The following RIPK3 variants were observed in gnomAD, a reference collection of about 807,000 sequenced individuals.
RIPK3 encodes the protein receptor-interacting serine/threonine-protein kinase 3.
Under a neutral mutation model 51.6 loss-of-function variants are expected in RIPK3, and 51 were observed. The observed-to-expected ratio is 0.99, with a 90% CI of 0.79 to 1.25. The LOEUF (loss-of-function observed/expected upper bound fraction) is 1.25, where lower values mean the gene tolerates loss of function less well. Among genes scored for constraint, RIPK3 ranks in the 50% most tolerant of loss-of-function variants. The pLI is 0.00. For missense variants in RIPK3, 654 were observed against 650.4 expected, an observed-to-expected ratio of 1.01 and a Z score of -0.06; for synonymous variants, 246 against 257.7, an observed-to-expected ratio of 0.95 and a Z score of 0.44.
At position 24,337,243 on chromosome 14, in the gene RIPK3, C is replaced by T; in HGVS notation, c.1118G>A (p.Arg373Lys). 1 of 1,614,088 alleles carries T rather than the reference C, an allele frequency of 6.2e-7. No individual in the cohort carries two copies. The highest frequency in any genetic ancestry group is 8.5e-7 in the Non-Finnish European group (1 of 1,180,030). Residue 373 changes from arginine (R) to lysine (K), a missense_variant, in exon 8 of 10, where the codon AGG becomes AAG. By Grantham distance (26) the Arg-to-Lys change is conservative. Coordinates refer to ENST00000216274, the MANE Select transcript of RIPK3 (RefSeq NM_006871.4). ...KKCPSLTKRS[R>K]AQEEQVPQAW... Reference sequence around the variant, plus strand: ...TTGTGGAACCTGCTCCTCTTGTGCCCTGCTCCTCTTGGTAAGGCTCGGGCA... The same window carrying T: ...TTGTGGAACCTGCTCCTCTTGTGCCTTGCTCCTCTTGGTAAGGCTCGGGCA...
At position 24,338,421 on chromosome 14, in the gene RIPK3, C is replaced by T; in HGVS notation, c.617+1G>A. On this transcript the variant is annotated splice_donor_variant, in intron 4 of 9. Transcript: ENST00000216274. LOFTEE classifies it high-confidence loss of function. The stretch of plus-strand genomic sequence containing the variant: ...CTGTGTGTTTGGGCCGGGATCCTTA[C>T]CTGTAGACGTCACTGGCTGTGGAGG... The T allele has an allele frequency of 1.2e-6, 2 of 1,611,006 alleles. No homozygotes were observed. The highest frequency in any genetic ancestry group is 1.3e-5 in the African/African-American group (1 of 74,974).
At chr14:24,336,998 G>A in intron 8 of RIPK3, 53 bp from the exon 9 acceptor site, 1 of 1,607,048 alleles carries the variant, frequency 6.2e-7, no homozygotes, top group South Asian at 1.1e-5. Context: ...CACTCCCACT[G>A]CACTCCTCTC....
rs537965323 is a variant in RIPK3, at chr14:24,337,006, C to T, written c.1276-61G>A. On this transcript the variant is annotated intron_variant, in intron 8 of 9. Transcript: ENST00000216274. The stretch of plus-strand genomic sequence containing the variant: ...AGCCTGGCACTCCCACTGCACTCCT[C>T]TCAGCCCCAAGTTTTCGCTGGCAAG... The T allele has an allele frequency of 2.5e-6, 4 of 1,606,512 alleles. No individual in the cohort carries two copies. The South Asian group carries it at 4.4e-5, about 18-fold the overall frequency.
In RIPK3 at chr14:24,336,461, T is replaced by TG. The variant is rs2042136164; in HGVS notation, c.1337-67dup. 3 of 1,570,940 alleles carry TG rather than the reference T, an allele frequency of 1.9e-6. No homozygotes were observed. In the Admixed American group the frequency reaches 5.1e-5, roughly 27 times the overall value. ...TCAGAAAGGCCAAGTTGGGGGTGGG[T>TG]GGGGAGTATGAAGTCTCTACTTGTC... is the stretch of plus-strand genomic sequence containing the variant. On this transcript the variant is annotated intron_variant, in intron 9 of 9. Transcript: ENST00000216274.
In RIPK3 at chr14:24,336,149, T is replaced by G. The variant is rs767413620; in HGVS notation, c.*26A>C. ...GTGGCACTCTTCCTTAACTCGTAAC[T>G]CTTGGAGGCAAGCTTGGAAGGTGCT... is the stretch of plus-strand genomic sequence containing the variant. On this transcript the variant is annotated 3_prime_UTR_variant, in exon 10 of 10. Coordinates refer to ENST00000216274, the MANE Select transcript of RIPK3 (RefSeq NM_006871.4). The G allele has an allele frequency of 6.2e-7, 1 of 1,603,858 alleles. No individual in the cohort carries two copies. Among genetic ancestry groups the G allele is most frequent in the East Asian group, 2.2e-5 (1 of 44,712 alleles).
intron 9 of RIPK3, 101 bp from the exon 10 acceptor site, chr14:24,336,496 G>C: frequency 6.7e-7 from 1 of 1,498,694 alleles, no homozygotes; most frequent in Non-Finnish European, 9.0e-7. Flanking sequence ...CAGTGGCTGT[G>C]TCAAGGTGTG....
Position 24,338,227 on chromosome 14 carries a change from C to T in RIPK3, c.664+22G>A, listed in dbSNP as rs201028717. On this transcript the variant is annotated intron_variant, in intron 5 of 9. Transcript: ENST00000216274. ...GAAGGGCACCTGGGGTTAAGGATCC[C>T]AGAATCCTCCTAGAGTCTTACACTC... 33 of 1,531,410 alleles carry T rather than the reference C, an allele frequency of 2.2e-5. No individual in the cohort carries two copies. In the East Asian group the frequency reaches 7.5e-4, roughly 35 times the overall value. The allele number at this position is 1,531,410 out of a possible 1,614,324, so 94.9% of individuals were successfully genotyped here.
chr14:24,339,214 G>T lies in RIPK3; in HGVS notation c.272C>A (p.Ala91Asp), dbSNP rs1235443777. 2.5e-6 allele frequency: 4 copies of T among 1,614,262 alleles called. No homozygotes were observed. The highest frequency in any genetic ancestry group is 3.4e-6 in the Non-Finnish European group (4 of 1,180,050). ...GTTCTCCATGAATTTAGTCACCAGAGCCGGCTTGGGATCTTGGTCCCAGTT... is the reference window on the plus strand; with the variant it reads ...GTTCTCCATGAATTTAGTCACCAGATCCGGCTTGGGATCTTGGTCCCAGTT... ...KVNWDQDPKP[A>D]LVTKFMENGS... The change falls in exon 3 of 10, where the codon GCT becomes GAT. Residue 91 changes from alanine (A) to aspartate (D), a missense_variant. Transcript: ENST00000216274. This position sits in a 1 kb window ranked among gnomAD's most constrained non-coding sequence, Gnocchi z 4.0.
rs751571187 is a variant in RIPK3 at position 24,338,272 on chromosome 14, A to G, written c.641T>C (p.Val214Ala). Residue 214 changes from valine to alanine, a missense_variant, in exon 5 of 10, where the codon GTG becomes GCG. Coordinates refer to ENST00000216274, the MANE Select transcript of RIPK3 (RefSeq NM_006871.4). ...VYSFGILMWA[V>A]LAGREVELPT... Reference sequence around the variant, plus strand: ...ACACTCAACTTCTCTTCCAGCAAGCACTGCCCACATTAGGATCCCGAAGCT... The same window carrying G: ...ACACTCAACTTCTCTTCCAGCAAGCGCTGCCCACATTAGGATCCCGAAGCT... 6.6e-7 allele frequency: 1 copy of G among 1,524,920 alleles called. No homozygotes were observed. The highest frequency in any genetic ancestry group is 2.3e-5 in the East Asian group (1 of 44,062). The allele number at this position is 1,524,920 out of a possible 1,614,324, so 94.5% of individuals were successfully genotyped here.
At chr14:24,338,704 A>G in intron 3 of RIPK3, 137 bp from the exon 4 acceptor site, 1 of 1,236,194 alleles carries the variant, frequency 8.1e-7, no homozygotes, top group Non-Finnish European at 1.1e-6. Context: ...GTTCCCTTGG[A>G]TGGTAGATCT....
intron 7 of RIPK3, 65 bp downstream of exon 7, chr14:24,337,630 T>G (rs2042149248): frequency 1.3e-6 from 2 of 1,544,386 alleles, no homozygotes; most frequent in South Asian, 2.2e-5. Context: ...AGTCATTGGA[T>G]GGCCAGGTAG....
chr14:24,338,220 A>C, intron 5 of RIPK3, 29 bp downstream of exon 5: 1 of 1,532,760 alleles, frequency 6.5e-7, no homozygotes. Flanking sequence ...CCTGGGGTTA[A>C]GGATCCCAGA....
At position 24,339,613 on chromosome 14, in the gene RIPK3, C is replaced by T. The variant is rs771204796; in HGVS notation, c.21-16G>A. Reference sequence around the variant, plus strand: ...ACCGCTGGGCCTGAGAGAGGGGTGTCGCCCACTAGCCGGCCGTGCCGTGCC... The same window carrying T: ...ACCGCTGGGCCTGAGAGAGGGGTGTTGCCCACTAGCCGGCCGTGCCGTGCC... On this transcript the variant is annotated splice_polypyrimidine_tract_variant and intron_variant, in intron 1 of 9. Transcript: ENST00000216274. This position sits in a 1 kb window ranked among gnomAD's most constrained non-coding sequence, Gnocchi z 4.0. 1 of 1,613,496 alleles carries T rather than the reference C, an allele frequency of 6.2e-7. No homozygotes were observed. The highest frequency in any genetic ancestry group is 1.1e-5 in the South Asian group (1 of 91,044).
chr14:24,338,497 C>G lies in RIPK3; in HGVS notation c.542G>C (p.Gly181Ala). Residue 181 changes from glycine to alanine, a missense_variant, in exon 4 of 10, where the codon GGC becomes GCC. By Grantham distance (60) the Gly-to-Ala change is moderately conservative. Transcript: ENST00000216274. ...QSGTGSGEPG[G>A]TLGYLAPELF... ...TTCTGGGGCCAAGTAGCCCAGGGTGCCCCCTGGCTCCCCGGACCCTGTCCC... is the reference window on the plus strand; with the variant it reads ...TTCTGGGGCCAAGTAGCCCAGGGTGGCCCCTGGCTCCCCGGACCCTGTCCC... 1 of 1,613,524 alleles carries G rather than the reference C, an allele frequency of 6.2e-7. No homozygotes were observed. Among genetic ancestry groups the G allele is most frequent in the Non-Finnish European group, 8.5e-7 (1 of 1,179,522 alleles).
At position 24,339,710 on chromosome 14, in the gene RIPK3, AC is replaced by A. The variant is rs758613297; in HGVS notation, c.20+96del. On this transcript the variant is annotated intron_variant, in intron 1 of 9. Transcript: ENST00000216274. This position sits in a 1 kb window ranked among gnomAD's most constrained non-coding sequence, Gnocchi z 4.0. The stretch of plus-strand genomic sequence containing the variant: ...TCCCCAGCCTCCCTCGCCGGCCCCC[AC>A]CGTCCCCGGACTCAAAGACGTTCTC... The A allele has an allele frequency of 1.9e-5, 30 of 1,576,976 alleles. No individual in the cohort carries two copies. The highest frequency in any genetic ancestry group is 2.4e-5 in the Non-Finnish European group (28 of 1,158,418).
In RIPK3 at chr14:24,337,210, G is replaced by C; in HGVS notation, c.1151C>G (p.Thr384Arg). 1 of 1,613,802 alleles carries C rather than the reference G, an allele frequency of 6.2e-7. No homozygotes were observed. Among genetic ancestry groups the C allele is most frequent in the South Asian group, 1.1e-5 (1 of 91,086 alleles). Residue 384 changes from threonine (T) to arginine (R), a missense_variant, in exon 8 of 10, where the codon ACA becomes AGA. Physicochemically the swap from Thr to Arg is moderately conservative, Grantham distance 71. Coordinates refer to ENST00000216274, the MANE Select transcript of RIPK3 (RefSeq NM_006871.4). ...CATCGAATCTGAAGATGTGCCTGCT[G>C]TCCAGGCTTGTGGAACCTGCTCCTC... ...AQEEQVPQAW[T>R]AGTSSDSMAQ... is the part of the protein sequence containing the mutation.
Position 24,338,433 on chromosome 14 carries a change from A to G in RIPK3, c.606T>C (p.Ser202=). 2 of 1,612,880 alleles carry G rather than the reference A, an allele frequency of 1.2e-6. No homozygotes were observed. The highest frequency in any genetic ancestry group is 1.7e-6 in the Non-Finnish European group (2 of 1,179,080). Residue 202 remains serine (S), a synonymous_variant, in exon 4 of 10, where the codon AGT becomes AGC. Transcript: ENST00000216274. ...VNVNRKASTA[S]DVYSFGILMW... ...GCCGGGATCCTTACCTGTAGACGTC[A>G]CTGGCTGTGGAGGCCTTCCGGTTTA... is the stretch of plus-strand genomic sequence containing the variant.
chr14:24,337,554 A>T (rs200086607), intron 7 of RIPK3, 94 bp from the exon 8 acceptor site: 1,153 of 1,607,102 alleles, frequency 7.2e-4, no homozygotes, highest in Non-Finnish European at 8.6e-4. Flanking sequence ...GTTGTCTGGG[A>T]ACTCAGGGGT....
Position 24,337,962 on chromosome 14 carries a change from G to T in RIPK3, c.743C>A (p.Ala248Asp). ...NRPSLAELPQ[A>D]GPETPGLEGL... ...TTCTAAGCCGGGAGTCTCAGGCCCG[G>T]CTTGGGGCAGCTCAGCCAATGAAGG... Residue 248 changes from alanine (A) to aspartate (D), a missense_variant, in exon 6 of 10, where the codon GCC becomes GAC. Physicochemically the swap from Ala to Asp is moderately radical, Grantham distance 126. Coordinates refer to ENST00000216274, the MANE Select transcript of RIPK3 (RefSeq NM_006871.4). 6.2e-7 allele frequency: 1 copy of T among 1,614,222 alleles called. No individual in the cohort carries two copies. The highest frequency in any genetic ancestry group is 1.1e-5 in the South Asian group (1 of 91,078).
Sources: gnomAD v4.1 joint callset for allele counts on GRCh38, gnomAD v4.1.1 for gene constraint, Gnocchi (gnomAD v3.1) non-coding constraint, MANE v1.5 for transcripts, NCBI Gene and HGNC (gene_info 2026-07-23, HGNC 2026-07-21) for gene names.